SPIDR: variants seen among roughly 807,000 people sequenced by gnomAD.
SPIDR encodes the protein scaffold protein involved in DNA repair.
A neutral mutation model predicts 104.6 loss-of-function variants in SPIDR; 93 were observed. The observed-to-expected ratio is 0.89, with a 90% CI of 0.75 to 1.06. SPIDR has a LOEUF of 1.06. Among genes scored for constraint, SPIDR ranks in the 50% least tolerant of loss-of-function variants. The pLI is 0.00. For missense variants in SPIDR, 1,154 were observed against 1,111.2 expected (o/e 1.04, Z -0.55); for synonymous variants, 431 against 416.9 (o/e 1.03, Z -0.41).
intron 8 of SPIDR, among the ~76,000 whole-genome samples, chr8:47,595,349 G>A (rs1238276276): frequency 6.6e-6 from 1 of 152,216 alleles, no homozygotes. Context: ...ATACTTAAAT[G>A]TGAGGTATTC....
intron 8 of SPIDR, among the ~76,000 whole-genome samples, chr8:47,471,346 C>G (rs1454062399): frequency 6.7e-6 from 1 of 148,304 alleles, no homozygotes; most frequent in Non-Finnish European, 1.5e-5. Context: ...AAAAAAACAG[C>G]CCAGTTCAAA....
intron 8 of SPIDR, chr8:47,511,991 T>C (rs1372354580): frequency 1.3e-5 from 10 of 784,708 alleles, no homozygotes; most frequent in Non-Finnish European, 2.1e-5. Flanking sequence ...TGTGAAATGG[T>C]TATGATGTCT....
At chr8:47,712,491 AC>A (rs1042839887) in intron 14 of SPIDR, among the ~76,000 whole-genome samples, 170 bp from the exon 15 acceptor site, 2 of 152,230 alleles carry the variant, frequency 1.3e-5, no homozygotes, top group African/African-American at 4.8e-5. Flanking sequence ...AAGTCGAGGC[AC>A]CCAGGGCACA....
intron 8 of SPIDR, among the ~76,000 whole-genome samples, chr8:47,535,808 A>T (rs1024409540): frequency 1.3e-5 from 2 of 152,064 alleles, no homozygotes; most frequent in Admixed American, 6.5e-5. Context: ...ATGTTTTCCC[A>T]CTGAGAGCAG....
rs150484719 is a variant in SPIDR, at chr8:47,448,017, A to G, written c.1097+7475A>G. On this transcript the variant is annotated intron_variant, in intron 8 of 19. Coordinates refer to ENST00000297423, the MANE Select transcript of SPIDR (RefSeq NM_001080394.4). ...AATTCATGTGACTTGCTTTATTGTG[A>G]TAATAACTTTATTGGAGTGGTCTGC... Among the ~76,000 whole-genome samples the G allele has an allele frequency of 1.3e-3, 201 of 152,348 alleles. 1 individual carries two copies. The highest frequency in any genetic ancestry group is 2.5e-3 in the African/African-American group (102 of 41,578).
At chr8:47,647,547 G>A (rs948777525) in intron 10 of SPIDR, among the ~76,000 whole-genome samples, 14 of 151,654 alleles carry the variant, frequency 9.2e-5, no homozygotes, top group Admixed American at 3.3e-4. Context: ...CTCAGGCGGC[G>A]GAGGTTGCAG....
chr8:47,532,914 G>A (rs1399910917), intron 8 of SPIDR, among the ~76,000 whole-genome samples: 1 of 152,146 alleles, frequency 6.6e-6, no homozygotes, highest in African/African-American at 2.4e-5. Context: ...TTAAATGATA[G>A]GATCATACAG....
intron 10 of SPIDR, among the ~76,000 whole-genome samples, chr8:47,613,103 G>C (rs902493882): frequency 1.3e-5 from 2 of 152,254 alleles, no homozygotes; most frequent in Admixed American, 1.3e-4. Flanking sequence ...TTCCAAAACA[G>C]TTCAGTCACA....
intron 8 of SPIDR, among the ~76,000 whole-genome samples, chr8:47,447,958 G>A (rs1554703186): frequency 6.6e-6 from 1 of 152,156 alleles, no homozygotes; most frequent in African/African-American, 2.4e-5. Context: ...ATAATATAGT[G>A]TAAACATAAC....
intron 8 of SPIDR, among the ~76,000 whole-genome samples, chr8:47,561,452 C>G (rs1312387204): frequency 1.3e-5 from 2 of 152,186 alleles, no homozygotes; most frequent in Non-Finnish European, 2.9e-5. Context: ...CCAGCAGCCT[C>G]TCTACACTGT....
intron 8 of SPIDR, among the ~76,000 whole-genome samples, chr8:47,493,260 C>T (rs1178881398): frequency 6.6e-6 from 1 of 152,120 alleles, no homozygotes; most frequent in Non-Finnish European, 1.5e-5. Flanking sequence ...TTTGGAATGA[C>T]ATTGTGGAAA....
intron 1 of SPIDR, among the ~76,000 whole-genome samples, chr8:47,274,482 G>C (rs1008859428): frequency 3.9e-5 from 6 of 152,034 alleles, no homozygotes; most frequent in African/African-American, 7.2e-5. Flanking sequence ...AAATTGTAAA[G>C]TTCCTGCACG....
intron 1 of SPIDR, among the ~76,000 whole-genome samples, chr8:47,270,950 A>G (rs2035186926): frequency 6.6e-6 from 1 of 152,166 alleles, no homozygotes; most frequent in South Asian, 2.1e-4. Flanking sequence ...TTTTAAATTT[A>G]TCGAAGCTTG....
chr8:47,446,582 C>CTT (rs574653139), intron 8 of SPIDR, among the ~76,000 whole-genome samples: 4 of 136,884 alleles, frequency 2.9e-5, no homozygotes, highest in South Asian at 2.4e-4. Context: ...ATAATGATTC[C>CTT]TTTTTTTTTT....
chr8:47,697,843 G>C (rs1376688128), intron 11 of SPIDR: 1 of 152,330 alleles, frequency 6.6e-6, no homozygotes, highest in Non-Finnish European at 1.5e-5. Context: ...ATGGGTAGCT[G>C]ACTTGACCTC....
intron 5 of SPIDR, among the ~76,000 whole-genome samples, chr8:47,348,261 T>C (rs1554619714): frequency 6.6e-6 from 1 of 152,224 alleles, no homozygotes; most frequent in East Asian, 1.9e-4. Flanking sequence ...TCTTTAAGAA[T>C]GTTGAATATT....
intron 14 of SPIDR, among the ~76,000 whole-genome samples, chr8:47,704,235 T>C (rs1196627930): frequency 6.6e-6 from 1 of 152,238 alleles, no homozygotes; most frequent in East Asian, 1.9e-4. Context: ...ATTTAGCTCT[T>C]TATTTTTTAT....
intron 12 of SPIDR, 97 bp downstream of exon 12, chr8:47,700,587 C>T (rs2080030684): frequency 2.4e-6 from 3 of 1,231,650 alleles, no homozygotes; most frequent in South Asian, 2.4e-5. Context: ...GTCTGTGTCC[C>T]CTGCTCCAGT....
At chr8:47,710,205 T>C (rs2081654721) in intron 14 of SPIDR, among the ~76,000 whole-genome samples, 1 of 152,150 alleles carries the variant, frequency 6.6e-6, no homozygotes, top group South Asian at 2.1e-4. Flanking sequence ...AGCAGTGTAG[T>C]GGTAGTACTG....
Sources: gnomAD v4.1 joint callset for allele counts (sites outside exome capture counted in the v4.1 genomes callset) on GRCh38, gnomAD v4.1.1 for gene constraint, MANE v1.5 for transcripts, NCBI Gene and HGNC (gene_info 2026-07-23, HGNC 2026-07-21) for gene names.